The following GABBR2 variants were observed in gnomAD, a reference collection of about 807,000 sequenced individuals.
The protein encoded by GABBR2 is G-protein coupled receptor 51.
A neutral mutation model predicts 105.6 loss-of-function variants in GABBR2; 23 were observed. The ratio of observed to expected loss-of-function variants is 0.22; its 90% CI spans 0.16 to 0.31. The LOEUF is 0.31. GABBR2 is among the 10% of genes least tolerant of loss of function. The probability of loss-of-function intolerance (pLI) is 1.00; values close to 1 mark genes in which losing one functional copy is unlikely to be tolerated. For missense variants in GABBR2, 734 were observed against 1,245.5 expected (o/e 0.59, Z 6.18); for synonymous variants, 478 against 499.7 (o/e 0.96, Z 0.58).
At chr9:98,614,482 G>A (rs555475435) in intron 1 of GABBR2, among the ~76,000 whole-genome samples, 4 of 152,074 alleles carry the variant, frequency 2.6e-5, no homozygotes, top group Non-Finnish European at 4.4e-5. Flanking sequence ...CCGAGGTTGC[G>A]CCAATGCACT....
chr9:98,496,543 G>A, intron 3 of GABBR2, 29 bp from the exon 4 acceptor site: 1 of 1,482,000 alleles, frequency 6.7e-7, no homozygotes, highest in Non-Finnish European at 9.4e-7. Flanking sequence ...CAGAGGGTGG[G>A]TGTGCTGGGG....
intron 13 of GABBR2, among the ~76,000 whole-genome samples, chr9:98,351,167 G>A (rs899318507): frequency 1.2e-5 from 1 of 85,688 alleles, no homozygotes; most frequent in African/African-American, 3.3e-5. Flanking sequence ...CTTATAGTTG[G>A]CTTTTTAAAA....
intron 4 of GABBR2, among the ~76,000 whole-genome samples, chr9:98,481,708 A>G (rs916417602): frequency 2.0e-5 from 3 of 152,188 alleles, no homozygotes; most frequent in Non-Finnish European, 4.4e-5. Flanking sequence ...GATTTCTGGG[A>G]AGACTAAGTG....
intron 4 of GABBR2, among the ~76,000 whole-genome samples, chr9:98,493,023 A>C (rs953244694): frequency 2.6e-5 from 4 of 152,070 alleles, no homozygotes; most frequent in African/African-American, 7.2e-5. Context: ...AGTTATTTTG[A>C]ATTCTTCTGT....
At chr9:98,413,701 C>T (rs1832630806) in intron 7 of GABBR2, among the ~76,000 whole-genome samples, 1 of 152,102 alleles carries the variant, frequency 6.6e-6, no homozygotes, top group Non-Finnish European at 1.5e-5. Flanking sequence ...TTCTGAGGGA[C>T]CATAACCAGA....
chr9:98,352,686 C>T lies in GABBR2; in HGVS notation c.1893+10029G>A, dbSNP rs140581124. On this transcript the variant is annotated intron_variant, in intron 13 of 18. Coordinates refer to ENST00000259455, the MANE Select transcript of GABBR2 (RefSeq NM_005458.8). ...CTGCTGCTGGAGGGGGAGGGGTTAT[C>T]GGCATCCCCAGGCAGGCAATTCTCA... Among the ~76,000 whole-genome samples, 332 of 152,140 alleles carry T rather than the reference C, an allele frequency of 2.2e-3. 2 individuals are homozygous for T. The highest frequency in any genetic ancestry group is 7.4e-3 in the African/African-American group (307 of 41,504).
chr9:98,475,394 G>GTA (rs1159780992), intron 5 of GABBR2, among the ~76,000 whole-genome samples: 1 of 151,976 alleles, frequency 6.6e-6, no homozygotes, highest in Non-Finnish European at 1.5e-5. Flanking sequence ...GCCAGATCCT[G>GTA]GCTGGGGACT....
chr9:98,364,408 C>T (rs1831640757), intron 12 of GABBR2, among the ~76,000 whole-genome samples: 1 of 152,158 alleles, frequency 6.6e-6, no homozygotes, highest in South Asian at 2.1e-4. Flanking sequence ...CTGACCTGCA[C>T]CTTTCTGCTG....
intron 1 of GABBR2, among the ~76,000 whole-genome samples, chr9:98,603,584 C>T (rs13293545): frequency 0.17 from 25,364 of 152,108 alleles, 2,489 homozygotes; most frequent in Middle Eastern, 0.3. Flanking sequence ...GCAAGGATCA[C>T]CTCTCTGATT....
chr9:98,430,436 C>T (rs181976483), intron 7 of GABBR2, among the ~76,000 whole-genome samples: 1 of 152,132 alleles, frequency 6.6e-6, no homozygotes, highest in East Asian at 1.9e-4. Context: ...GTCTAGGGTT[C>T]ATTTCACCCC....
At position 98,547,621 on chromosome 9, in the gene GABBR2, C is replaced by T. The variant is rs1331300271; in HGVS notation, c.460-5578G>A. 4.1e-5 allele frequency among the ~76,000 whole-genome samples: 5 copies of T among 121,070 alleles called. 2 individuals are homozygous for T. The highest frequency in any genetic ancestry group is 2.7e-4 in the Admixed American group (3 of 10,956). The allele number at this position is 121,070 out of a possible 152,430, so 79.4% of individuals were successfully genotyped here. On this transcript the variant is annotated intron_variant, in intron 2 of 18. Coordinates refer to ENST00000259455, the MANE Select transcript of GABBR2 (RefSeq NM_005458.8). Reference sequence around the variant, plus strand: ...TACAAGGTATGTGCATATTAGCTTTCACTATTTTCTGGTAAAATGGCTGTA... The same window carrying T: ...TACAAGGTATGTGCATATTAGCTTTTACTATTTTCTGGTAAAATGGCTGTA...
Position 98,299,185 on chromosome 9 carries a change from C to G in GABBR2, c.2542+39G>C, listed in dbSNP as rs1415328831. 2.5e-6 allele frequency: 4 copies of G among 1,592,892 alleles called. No individual in the cohort carries two copies. In the Admixed American group the frequency reaches 6.7e-5, roughly 27 times the overall value. ...AAGATGAACAGCTGGTGTTTGAAAC[C>G]AAGGTCCCTACCACATTCTGGGGCC... On this transcript the variant is annotated intron_variant, in intron 17 of 18. Coordinates refer to ENST00000259455, the MANE Select transcript of GABBR2 (RefSeq NM_005458.8).
intron 18 of GABBR2, among the ~76,000 whole-genome samples, chr9:98,291,433 T>C (rs1247822018): frequency 6.6e-6 from 1 of 152,152 alleles, no homozygotes; most frequent in East Asian, 1.9e-4. Context: ...GGCTTTCAGT[T>C]TCATCCCTGA....
intron 3 of GABBR2, among the ~76,000 whole-genome samples, chr9:98,531,590 C>T (rs1483271690): frequency 3.3e-5 from 5 of 152,354 alleles, no homozygotes; most frequent in East Asian, 1.9e-4. Flanking sequence ...CCCTGACAGG[C>T]GGTGGCTCTC....
intron 2 of GABBR2, among the ~76,000 whole-genome samples, chr9:98,543,353 TTTA>T (rs1828340017): frequency 6.6e-6 from 1 of 150,938 alleles, no homozygotes; most frequent in African/African-American, 2.4e-5. Context: ...TTATATTAAT[TTTA>T]TTTATATATA....
intron 1 of GABBR2, among the ~76,000 whole-genome samples, chr9:98,677,677 G>T (rs1053944466): frequency 6.6e-6 from 1 of 152,074 alleles, no homozygotes; most frequent in Admixed American, 6.5e-5. Context: ...TCCCTTCTCT[G>T]TCTCACACTT....
chr9:98,303,939 T>G (rs900531941), intron 15 of GABBR2, among the ~76,000 whole-genome samples: 1 of 152,212 alleles, frequency 6.6e-6, no homozygotes, highest in Non-Finnish European at 1.5e-5. Flanking sequence ...TTTCCGTGAG[T>G]CAGGGGTCTG....
chr9:98,704,125 A>C (rs1830865972), intron 1 of GABBR2, among the ~76,000 whole-genome samples: 1 of 152,218 alleles, frequency 6.6e-6, no homozygotes, highest in Admixed American at 6.5e-5. Flanking sequence ...ACCTTTCTGC[A>C]GCATCAACAG....
chr9:98,474,070 T>G (rs1051247366), intron 5 of GABBR2, among the ~76,000 whole-genome samples: 2 of 152,188 alleles, frequency 1.3e-5, no homozygotes, highest in Non-Finnish European at 2.9e-5. Flanking sequence ...AAAAATTCCC[T>G]TACATTTTTA....
Sources: gnomAD v4.1 joint callset for allele counts (sites outside exome capture counted in the v4.1 genomes callset) on GRCh38, gnomAD v4.1.1 for gene constraint, MANE v1.5 for transcripts, NCBI Gene and HGNC (gene_info 2026-07-23, HGNC 2026-07-21) for gene names.